The following SKIC3 variants were observed in gnomAD, a reference collection of about 807,000 sequenced individuals.
SKIC3 encodes the protein superkiller complex protein 3.
At chr5:95,478,850 C>G in the SKIC3 span, among the ~76,000 whole-genome samples, 1 of 152,050 alleles carries the variant, frequency 6.6e-6, no homozygotes, top group African/African-American at 2.4e-5. Context: ...TTAGCATATT[C>G]AAAGTAGAAT....
At chr5:95,510,854 G>A in the SKIC3 span, among the ~76,000 whole-genome samples, 7 of 152,030 alleles carry the variant, frequency 4.6e-5, no homozygotes, top group East Asian at 1.9e-4. Flanking sequence ...TCTAGGCAGC[G>A]GGCAAAGTGA....
the SKIC3 span, chr5:95,482,430 A>T: frequency 6.3e-7 from 1 of 1,587,688 alleles, no homozygotes. Flanking sequence ...AATATTATGA[A>T]GTGTTTTAAT....
At chr5:95,485,620 G>C in the SKIC3 span, among the ~76,000 whole-genome samples, 7 of 152,056 alleles carry the variant, frequency 4.6e-5, no homozygotes, top group African/African-American at 7.2e-5. Context: ...GGTAATGCTG[G>C]CCTCATAGAA....
chr5:95,479,228 A>T, the SKIC3 span, among the ~76,000 whole-genome samples: 3 of 152,196 alleles, frequency 2.0e-5, no homozygotes, highest in Non-Finnish European at 4.4e-5. Context: ...ACAACAAAAA[A>T]TACCAAATAC....
chr5:95,530,351 C>A, the SKIC3 span: 25 of 1,019,258 alleles, frequency 2.5e-5, no homozygotes, highest in Admixed American at 4.3e-4. Flanking sequence ...CATGCTGACT[C>A]CAGAAATTCA....
the SKIC3 span, chr5:95,469,979 TTC>T: frequency 1.3e-6 from 2 of 1,508,588 alleles, no homozygotes; most frequent in Non-Finnish European, 1.8e-6. Context: ...TTCAATTCAA[TTC>T]TTTTTTTTTT....
chr5:95,503,811 T>TA, the SKIC3 span: 1 of 1,613,714 alleles, frequency 6.2e-7, no homozygotes, highest in Non-Finnish European at 8.5e-7. Context: ...GCAATATACT[T>TA]ACCTTTGCTG....
the SKIC3 span, among the ~76,000 whole-genome samples, chr5:95,490,466 A>T: frequency 6.8e-6 from 1 of 147,114 alleles, no homozygotes; most frequent in Non-Finnish European, 1.5e-5. Context: ...TAAATAATGT[A>T]TATATATATT....
the SKIC3 span, among the ~76,000 whole-genome samples, chr5:95,487,595 C>G: frequency 1.3e-5 from 2 of 152,198 alleles, no homozygotes; most frequent in African/African-American, 4.8e-5. Context: ...ATCACTGATG[C>G]TGTCTACAGC....
the SKIC3 span, chr5:95,524,444 G>A: frequency 6.2e-7 from 1 of 1,612,018 alleles, no homozygotes; most frequent in Non-Finnish European, 8.5e-7. Flanking sequence ...ACTAGGAATT[G>A]AATTGTAGCA....
the SKIC3 span, chr5:95,525,421 CTT>C: frequency 8.7e-6 from 14 of 1,613,868 alleles, no homozygotes; most frequent in Non-Finnish European, 1.1e-5. Flanking sequence ...GTAGATAGTC[CTT>C]TTTGGTGAAA....
At chr5:95,522,059 A>G in the SKIC3 span, 1 of 1,613,482 alleles carries the variant, frequency 6.2e-7, no homozygotes, top group Non-Finnish European at 8.5e-7. Context: ...ATTACCTTTT[A>G]AAGCAGGCAC....
At chr5:95,544,579 C>T in the SKIC3 span, among the ~76,000 whole-genome samples, 10 of 152,104 alleles carry the variant, frequency 6.6e-5, no homozygotes, top group Non-Finnish European at 1.0e-4. Flanking sequence ...AATAATGCTG[C>T]CTCCTAACAA....
the SKIC3 span, among the ~76,000 whole-genome samples, chr5:95,505,088 T>C: frequency 2.0e-5 from 3 of 152,206 alleles, no homozygotes; most frequent in Non-Finnish European, 4.4e-5. Flanking sequence ...TAACTTGTTT[T>C]TGCCTAAAGA....
chr5:95,512,962 T>G, the SKIC3 span: 1 of 288,560 alleles, frequency 3.5e-6, no homozygotes, highest in African/African-American at 2.2e-5. Flanking sequence ...AATCTAGAAA[T>G]GTCTACCATG....
At chr5:95,489,152 A>T in the SKIC3 span, among the ~76,000 whole-genome samples, 1 of 152,052 alleles carries the variant, frequency 6.6e-6, no homozygotes, top group Admixed American at 6.6e-5. Context: ...CCTCATTTCT[A>T]AAATAAAAAA....
At chr5:95,496,593 A>G in the SKIC3 span, among the ~76,000 whole-genome samples, 1 of 152,176 alleles carries the variant, frequency 6.6e-6, no homozygotes, top group Non-Finnish European at 1.5e-5. Flanking sequence ...CCTCCCAAGC[A>G]CCCAGCAGAA....
chr5:95,522,680 T>C, the SKIC3 span, among the ~76,000 whole-genome samples: 1 of 152,120 alleles, frequency 6.6e-6, no homozygotes, highest in African/African-American at 2.4e-5. Context: ...AGTTAAAATA[T>C]GGAAACAATA....
At chr5:95,500,341 T>A in the SKIC3 span, among the ~76,000 whole-genome samples, 28 of 152,326 alleles carry the variant, frequency 1.8e-4, no homozygotes, top group Middle Eastern at 3.4e-3. Flanking sequence ...CAGTCCAGCA[T>A]AATTAGGCTT....
Sources: gnomAD v4.1 joint callset for allele counts (sites outside exome capture counted in the v4.1 genomes callset) on GRCh38, gnomAD v4.1.1 for gene constraint, MANE v1.5 for transcripts, NCBI Gene and HGNC (gene_info 2026-07-23, HGNC 2026-07-21) for gene names.